Variants in UNC5D observed in about 807,000 individuals in gnomAD.
UNC5D encodes the protein unc-5 netrin receptor D, also known as netrin receptor UNC5D.
In UNC5D, 39 loss-of-function variants were observed where a neutral mutation model predicts 105.4. That is an observed-to-expected ratio of 0.37 (90% CI 0.29 to 0.48). The LOEUF (loss-of-function observed/expected upper bound fraction) is 0.48, where lower values mean the gene tolerates loss of function less well. Ranked by LOEUF, UNC5D falls within the 20% of genes least tolerant of loss-of-function variation. UNC5D has a pLI of 0.98. For synonymous variants in UNC5D, 452 were observed against 450.4 expected, an observed-to-expected ratio of 1.00 and a Z score of -0.04; for missense variants, 991 against 1,202.4, an observed-to-expected ratio of 0.82 and a Z score of 2.60.
intron 1 of UNC5D, among the ~76,000 whole-genome samples, chr8:35,510,503 T>C (rs1812631660): frequency 6.6e-6 from 1 of 152,098 alleles, no homozygotes; most frequent in Non-Finnish European, 1.5e-5. Context: ...CTCAACTTTT[T>C]TTAGCGACAA....
chr8:35,745,467 A>G (rs1238014297), intron 11 of UNC5D, among the ~76,000 whole-genome samples: 1 of 152,214 alleles, frequency 6.6e-6, no homozygotes, highest in Non-Finnish European at 1.5e-5. Context: ...GACCAGTATC[A>G]TTTCCAAGGA....
At chr8:35,341,230 C>T (rs540788034) in intron 1 of UNC5D, among the ~76,000 whole-genome samples, 7 of 151,936 alleles carry the variant, frequency 4.6e-5, no homozygotes, top group Non-Finnish European at 1.0e-4. Context: ...TATAAATCCT[C>T]GAAACTAATT....
intron 1 of UNC5D, among the ~76,000 whole-genome samples, chr8:35,415,722 C>A (rs1266309607): frequency 6.6e-6 from 1 of 152,144 alleles, no homozygotes; most frequent in Non-Finnish European, 1.5e-5. Flanking sequence ...TTTAGTTATA[C>A]CACTTTGAAC....
At chr8:35,249,377 G>C (rs1399763867) in intron 1 of UNC5D, among the ~76,000 whole-genome samples, 1 of 149,256 alleles carries the variant, frequency 6.7e-6, no homozygotes, top group Non-Finnish European at 1.5e-5. Context: ...GGCTAACATG[G>C]CGAAACCCCA....
chr8:35,509,570 C>T (rs563376136), intron 1 of UNC5D, among the ~76,000 whole-genome samples: 1 of 146,550 alleles, frequency 6.8e-6, no homozygotes, highest in Non-Finnish European at 1.5e-5. Context: ...ATTTCTTCCC[C>T]TGCATTGGAT....
At chr8:35,503,345 G>A (rs1032557358) in intron 1 of UNC5D, among the ~76,000 whole-genome samples, 1 of 152,144 alleles carries the variant, frequency 6.6e-6, no homozygotes, top group Non-Finnish European at 1.5e-5. Flanking sequence ...ATGGTGGCAG[G>A]CAAGAGAGAA....
intron 9 of UNC5D, chr8:35,724,267 A>G (rs1370814551): frequency 7.8e-6 from 12 of 1,534,958 alleles, no homozygotes; most frequent in Middle Eastern, 1.7e-4. Flanking sequence ...ATATCATGGA[A>G]CTAATGATAC....
chr8:35,470,642 A>C (rs1809644521), intron 1 of UNC5D, among the ~76,000 whole-genome samples: 1 of 150,546 alleles, frequency 6.6e-6, no homozygotes, highest in South Asian at 2.1e-4. Flanking sequence ...ATGGTGGTAC[A>C]TGCCTTTAGG....
At chr8:35,406,406 G>T (rs923440126) in intron 1 of UNC5D, among the ~76,000 whole-genome samples, 6 of 152,040 alleles carry the variant, frequency 3.9e-5, no homozygotes, top group Non-Finnish European at 8.8e-5. Flanking sequence ...ATGACTCACC[G>T]TGTTTCTCAG....
At chr8:35,362,969 C>T in intron 1 of UNC5D, among the ~76,000 whole-genome samples, 1 of 152,102 alleles carries the variant, frequency 6.6e-6, no homozygotes, top group East Asian at 1.9e-4. Context: ...TCACAGTTTT[C>T]CTACTAATAT....
At chr8:35,243,583 T>C (rs1037092551) in intron 1 of UNC5D, among the ~76,000 whole-genome samples, 1 of 152,192 alleles carries the variant, frequency 6.6e-6, no homozygotes, top group Non-Finnish European at 1.5e-5. Context: ...GAGCTACATA[T>C]GCTTAAGAAT....
chr8:35,726,176 C>T lies in UNC5D; in HGVS notation c.1328C>T (p.Ala443Val). The change falls in exon 10 of 17, where the codon GCC (alanine) becomes GTC (valine). Residue 443 changes from alanine (A) to valine (V), a missense_variant. By Grantham distance (64) the Ala-to-Val change is moderately conservative. This residue lies in a region of UNC5D where 944 missense variants were observed against 1,131.6 expected (regional missense o/e 0.83). Transcript: ENST00000404895. ...RQGNSLLLNS[A>V]MQPDLTVSRT... ...GGTAACTCCCTGCTCCTGAATTCTG[C>T]CATGCAGCCAGATCTGACAGTGAGC... 1 of 1,610,480 alleles carries T rather than the reference C, an allele frequency of 6.2e-7. No individual in the cohort carries two copies. Among genetic ancestry groups the T allele is most frequent in the Non-Finnish European group, 8.5e-7 (1 of 1,177,406 alleles).
intron 1 of UNC5D, among the ~76,000 whole-genome samples, chr8:35,342,132 T>C (rs1162621643): frequency 6.6e-6 from 1 of 152,030 alleles, no homozygotes; most frequent in Non-Finnish European, 1.5e-5. Flanking sequence ...GTAGAATTCG[T>C]AGGGCCCAGT....
intron 1 of UNC5D, among the ~76,000 whole-genome samples, chr8:35,313,450 T>C (rs149701992): frequency 5.6e-4 from 85 of 152,316 alleles, no homozygotes; most frequent in African/African-American, 2.0e-3. Flanking sequence ...AAAATGACTA[T>C]AATTTTCCAA....
At chr8:35,598,175 C>T (rs903440509) in intron 4 of UNC5D, among the ~76,000 whole-genome samples, 5 of 152,154 alleles carry the variant, frequency 3.3e-5, no homozygotes, top group Non-Finnish European at 5.9e-5. Flanking sequence ...TCCCCCACTC[C>T]ACCTTTTCCC....
intron 1 of UNC5D, among the ~76,000 whole-genome samples, chr8:35,466,625 G>A (rs1043647879): frequency 1.3e-5 from 2 of 152,192 alleles, no homozygotes; most frequent in South Asian, 4.1e-4. Context: ...TCTCATGGAC[G>A]CCATTCAAAA....
intron 2 of UNC5D, among the ~76,000 whole-genome samples, chr8:35,560,536 A>C (rs918327303): frequency 6.6e-6 from 1 of 152,352 alleles, no homozygotes; most frequent in African/African-American, 2.4e-5. Context: ...GGATTTGAGA[A>C]AGAATGTATT....
At chr8:35,477,001 C>T (rs1293127942) in intron 1 of UNC5D, among the ~76,000 whole-genome samples, 2 of 152,140 alleles carry the variant, frequency 1.3e-5, no homozygotes, top group African/African-American at 4.8e-5. Context: ...TATAGCAGTG[C>T]ATTCATTTGA....
At chr8:35,545,219 A>C (rs1815562626) in intron 1 of UNC5D, among the ~76,000 whole-genome samples, 1 of 152,226 alleles carries the variant, frequency 6.6e-6, no homozygotes, top group Admixed American at 6.5e-5. Flanking sequence ...ACTATTTATT[A>C]AAGTAAATGA....
Sources: gnomAD v4.1 joint callset for allele counts (sites outside exome capture counted in the v4.1 genomes callset) on GRCh38, gnomAD v4.1.1 for gene constraint, gnomAD v4.1.1 regional missense constraint, MANE v1.5 for transcripts, NCBI Gene and HGNC (gene_info 2026-07-23, HGNC 2026-07-21) for gene names.